The following IDO2 variants were observed in gnomAD, a reference collection of about 807,000 sequenced individuals.
The protein encoded by IDO2 is indoleamine 2,3-dioxygenase-like 1 protein.
Under a neutral mutation model 45.1 loss-of-function variants are expected in IDO2, and 46 were observed. The ratio of observed to expected loss-of-function variants is 1.02; its 90% CI spans 0.80 to 1.30. IDO2 has a LOEUF of 1.30. IDO2 is among the 50% of genes most tolerant of loss of function. The pLI, the probability that IDO2 is intolerant of heterozygous loss-of-function variation, is 0.00. For synonymous variants in IDO2, 218 were observed against 184.9 expected, an observed-to-expected ratio of 1.18 and a Z score of -1.45; for missense variants, 544 against 491.8, an observed-to-expected ratio of 1.11 and a Z score of -1.00.
In IDO2 at chr8:39,935,251, G is replaced by A. The variant is rs80036871; in HGVS notation, c.-18+33G>A. The A allele has an allele frequency of 1.2e-4, 190 of 1,566,266 alleles. No individual in the cohort carries two copies. In the African/African-American group the frequency reaches 2.2e-3, roughly 18 times the overall value. On this transcript the variant is annotated intron_variant, in intron 1 of 10. Transcript: ENST00000502986. ...CACTGGTAACTTCTTTTCTAACCTC[G>A]TATGCATAATGTAAACATCAAGACT...
chr8:39,988,463 G>A lies in IDO2; in HGVS notation c.549+493G>A, dbSNP rs950560155. Among the ~76,000 whole-genome samples the A allele has an allele frequency of 3.4e-4, 51 of 152,160 alleles. 1 individual carries two copies. Among genetic ancestry groups the A allele is most frequent in the African/African-American group, 9.4e-4 (39 of 41,452 alleles). On this transcript the variant is annotated intron_variant, in intron 7 of 10. Transcript: ENST00000502986. ...ATATTTCAGTTAGATTTCTGCCTTC[G>A]CTCTGTCGCTCAGGCCAGAGTGCAA...
At chr8:40,000,379 C>T (rs1802117043) in intron 8 of IDO2, among the ~76,000 whole-genome samples, 1 of 150,322 alleles carries the variant, frequency 6.7e-6, no homozygotes, top group Admixed American at 6.6e-5. Context: ...CACTGCACTC[C>T]AGTGTGGCAA....
At chr8:39,979,302 C>A in intron 4 of IDO2, 116 bp downstream of exon 4, 1 of 1,049,838 alleles carries the variant, frequency 9.5e-7, no homozygotes, top group Non-Finnish European at 1.3e-6. Context: ...TTCTTCTTCT[C>A]GATGGGCATC....
At chr8:39,999,662 C>T (rs188566433) in intron 8 of IDO2, among the ~76,000 whole-genome samples, 1 of 152,278 alleles carries the variant, frequency 6.6e-6, no homozygotes, top group African/African-American at 2.4e-5. Context: ...CAGGATTTCA[C>T]TGTGTTGGCC....
chr8:40,000,690 C>T (rs1802122237), intron 8 of IDO2, among the ~76,000 whole-genome samples: 1 of 152,024 alleles, frequency 6.6e-6, no homozygotes, highest in African/African-American at 2.4e-5. Flanking sequence ...TATTCATGCC[C>T]ATAGCTACAA....
chr8:39,942,248 G>A (rs549952168), intron 1 of IDO2, among the ~76,000 whole-genome samples: 1 of 152,298 alleles, frequency 6.6e-6, no homozygotes, highest in East Asian at 1.9e-4. Flanking sequence ...TGGATTTCCT[G>A]CAGAAACAGA....
At chr8:39,943,966 A>T (rs1807693018) in intron 1 of IDO2, among the ~76,000 whole-genome samples, 1 of 152,056 alleles carries the variant, frequency 6.6e-6, no homozygotes, top group South Asian at 2.1e-4. Flanking sequence ...GCACAGAAGG[A>T]GCTGAGGCCA....
At chr8:39,970,880 C>T (rs1808168072) in intron 3 of IDO2, among the ~76,000 whole-genome samples, 1 of 151,240 alleles carries the variant, frequency 6.6e-6, no homozygotes, top group Non-Finnish European at 1.5e-5. Context: ...GTTTCCCCTG[C>T]CTCAGCCTCC....
At chr8:39,947,580 G>A (rs1807757038) in intron 1 of IDO2, among the ~76,000 whole-genome samples, 1 of 152,060 alleles carries the variant, frequency 6.6e-6, no homozygotes, top group Non-Finnish European at 1.5e-5. Context: ...TAAGTTGCTA[G>A]CCAATTGGGA....
At chr8:39,998,993 G>C (rs79530576) in intron 8 of IDO2, among the ~76,000 whole-genome samples, 269 of 151,986 alleles carry the variant, frequency 1.8e-3, no homozygotes, top group Non-Finnish European at 2.5e-3. Flanking sequence ...AATTCCTTCA[G>C]TACATCCTTT....
intron 3 of IDO2, among the ~76,000 whole-genome samples, chr8:39,976,783 A>T (rs1808265797): frequency 6.6e-6 from 1 of 152,174 alleles, no homozygotes; most frequent in Non-Finnish European, 1.5e-5. Flanking sequence ...AAAAGGGCTG[A>T]AGGTAGAGTA....
chr8:39,990,933 G>A (rs1295428150), intron 8 of IDO2, among the ~76,000 whole-genome samples: 1 of 152,146 alleles, frequency 6.6e-6, no homozygotes, highest in Non-Finnish European at 1.5e-5. Context: ...ATGTGTTTAG[G>A]AGGATGTGAG....
intron 9 of IDO2, among the ~76,000 whole-genome samples, chr8:40,013,202 G>C (rs1429687804): frequency 6.6e-6 from 1 of 152,134 alleles, no homozygotes. Flanking sequence ...CAAAGGAAGT[G>C]AAGATTTTTC....
chr8:39,956,856 C>A (rs899443357), intron 2 of IDO2, among the ~76,000 whole-genome samples: 1 of 151,142 alleles, frequency 6.6e-6, no homozygotes, highest in African/African-American at 2.4e-5. Flanking sequence ...ACCAGCCTGG[C>A]CAACATGGTG....
intron 1 of IDO2, among the ~76,000 whole-genome samples, chr8:39,939,862 T>C (rs1807617266): frequency 6.6e-6 from 1 of 152,156 alleles, no homozygotes; most frequent in African/African-American, 2.4e-5. Context: ...ACTAAGTATA[T>C]CTGATGTTGC....
chr8:39,997,501 T>C (rs1802063984), intron 8 of IDO2, among the ~76,000 whole-genome samples: 1 of 124,334 alleles, frequency 8.0e-6, no homozygotes, highest in Non-Finnish European at 1.8e-5. Flanking sequence ...CAAAACCCCA[T>C]CTCTACAAAA....
At chr8:39,977,463 C>A (rs1008503479) in intron 3 of IDO2, among the ~76,000 whole-genome samples, 2 of 152,186 alleles carry the variant, frequency 1.3e-5, no homozygotes, top group African/African-American at 4.8e-5. Flanking sequence ...TGTTCCAACC[C>A]AGAAGTTTGA....
chr8:39,967,546 T>C (rs1808106625), intron 3 of IDO2, among the ~76,000 whole-genome samples: 1 of 152,144 alleles, frequency 6.6e-6, no homozygotes. Context: ...TGGAGTGCAG[T>C]GGTGCTATAT....
intron 3 of IDO2, among the ~76,000 whole-genome samples, chr8:39,970,922 ATG>A (rs1410941052): frequency 2.0e-4 from 31 of 151,706 alleles, no homozygotes; most frequent in Non-Finnish European, 4.0e-4. Flanking sequence ...ACGTGCCACC[ATG>A]CCCAGCTAAT....
Sources: allele counts gnomAD v4.1 joint callset (sites outside exome capture counted in the v4.1 genomes callset), GRCh38; gene constraint gnomAD v4.1.1; transcripts MANE v1.5; gene names NCBI Gene and HGNC (gene_info 2026-07-23, HGNC 2026-07-21).